The following TMC8 variants were observed in gnomAD, a reference collection of about 807,000 sequenced individuals.
TMC8 encodes the protein transmembrane channel like 8.
A neutral mutation model predicts 76.0 loss-of-function variants in TMC8; 71 were observed. That is an observed-to-expected ratio of 0.93 (90% CI 0.77 to 1.14). TMC8 has a LOEUF of 1.14. Among genes scored for constraint, TMC8 ranks in the 50% most tolerant of loss-of-function variants. The pLI is 0.00. For synonymous variants in TMC8, 433 were observed against 433.8 expected (o/e 1.00, Z 0.02); for missense variants, 924 against 947.9 (o/e 0.97, Z 0.33).
At chr17:78,132,911 GACCCAGGGA>G in intron 5 of TMC8, 41 bp downstream of exon 5, 1 of 1,608,196 alleles carries the variant, frequency 6.2e-7, no homozygotes, top group Non-Finnish European at 8.5e-7. Context: ...GAGTCTGGGA[GACCCAGGGA>G]ACTGGCTTCA....
Position 78,131,423 on chromosome 17 carries a change from C to T in TMC8, c.-166C>T, listed in dbSNP as rs1437245981. ...AGACCCGGGCAAGTGAACCCTAGGG[C>T]TGCAGGAGCCCAGGCCCCGACGCCG... On this transcript the variant is annotated 5_prime_UTR_variant, in exon 2 of 16. Transcript: ENST00000318430. 5 of 932,048 alleles carry T rather than the reference C, an allele frequency of 5.4e-6. No individual in the cohort carries two copies. Among genetic ancestry groups the T allele is most frequent in the East Asian group, 2.6e-5 (1 of 37,942 alleles). The allele number at this position is 932,048 out of a possible 1,614,324, so 57.7% of individuals were successfully genotyped here. A position where few individuals can be genotyped will look rare whatever the true frequency, so the allele number is the denominator to read the frequency against.
In TMC8 at chr17:78,138,452, C is replaced by T. The variant is rs1290549286; in HGVS notation, c.1637C>T (p.Ala546Val). Residue 546 changes from alanine to valine, a missense_variant, in exon 13 of 16, where the codon GCA becomes GTA. Physicochemically the swap from Ala to Val is moderately conservative, Grantham distance 64. Transcript: ENST00000318430. ...LVLLLGLLLAAVPLGYVVSSI... is the reference protein window; with the variant it reads ...LVLLLGLLLAVVPLGYVVSSI... ...CTCCTCCTGGGCCTGCTTCTGGCTG[C>T]AGTGCCCCTGGGCTATGTGGTCAGC... 1.2e-5 allele frequency: 20 copies of T among 1,613,042 alleles called. No individual in the cohort carries two copies. The highest frequency in any genetic ancestry group is 6.7e-5 in the East Asian group (3 of 44,880).
At chr17:78,135,711 C>G (rs2075208451) in intron 9 of TMC8, among the ~76,000 whole-genome samples, 1 of 152,236 alleles carries the variant, frequency 6.6e-6, no homozygotes, top group African/African-American at 2.4e-5. Context: ...CTTGCCCTAA[C>G]TGCTTTTCCC....
chr17:78,133,273 G>A (rs2075089851), intron 5 of TMC8, 133 bp from the exon 6 acceptor site: 1 of 1,437,578 alleles, frequency 7.0e-7, no homozygotes, highest in African/African-American at 1.4e-5. Flanking sequence ...CCGAACCTCT[G>A]TGGGCCCTTG....
chr17:78,134,039 A>G, intron 7 of TMC8, 39 bp downstream of exon 7: 1 of 1,613,282 alleles, frequency 6.2e-7, no homozygotes, highest in South Asian at 1.1e-5. Flanking sequence ...CACAAGCTCC[A>G]GGTATATGGG....
chr17:78,133,542 G>A lies in TMC8; in HGVS notation c.668G>A (p.Arg223Gln), dbSNP rs772173417. 261 of 1,611,382 alleles carry A rather than the reference G, an allele frequency of 1.6e-4. 4 individuals are homozygous for A. The South Asian group carries it at 2.0e-3, about 12-fold the overall frequency. ...LLLCFCGTLRRMVKGLPQKTL... is the reference protein window; with the variant it reads ...LLLCFCGTLRQMVKGLPQKTL... ...CTCTGCTTCTGTGGGACTCTGCGGC[G>A]GTGAGAGCGAGGTCCACACCTTCAC... The change falls in exon 6 of 16, where the codon CGG becomes CAG. Residue 223 changes from arginine (R) to glutamine (Q), a missense_variant and splice_region_variant. Arg to Gln is a conservative substitution (Grantham distance 43). Transcript: ENST00000318430.
chr17:78,135,494 G>C (rs2075201624), intron 9 of TMC8, among the ~76,000 whole-genome samples: 3 of 152,126 alleles, frequency 2.0e-5, no homozygotes, highest in Admixed American at 2.0e-4. Context: ...AAGTTCAAAA[G>C]CAAGCCCTCG....
chr17:78,135,101 C>T (rs2075189021), intron 9 of TMC8, 92 bp downstream of exon 9: 1 of 1,548,064 alleles, frequency 6.5e-7, no homozygotes, highest in Non-Finnish European at 8.8e-7. Context: ...CTGGGGTCCC[C>T]AGCTGAGAGG....
intron 9 of TMC8, among the ~76,000 whole-genome samples, chr17:78,136,087 T>C (rs2075221579): frequency 1.3e-5 from 2 of 152,072 alleles, no homozygotes; most frequent in African/African-American, 4.8e-5. Context: ...AGCTCTCACC[T>C]ACCCCTAGCT....
In TMC8 at chr17:78,142,418, G is replaced by A. The variant is rs1244353466; in HGVS notation, c.*1306G>A. ...CTCCTGGTCTGGACTCAGCATCAGG[G>A]AGGCTCTGGCCTCTCGCCCTCAGGG... On this transcript the variant is annotated 3_prime_UTR_variant, in exon 16 of 16. Transcript: ENST00000318430. 10 of 152,272 alleles carry A rather than the reference G, an allele frequency of 6.6e-5. No homozygotes were observed. The highest frequency in any genetic ancestry group is 2.9e-5 in the Non-Finnish European group (2 of 68,062). 9.4% of individuals were successfully genotyped at this position (152,272 alleles called of 1,614,324 possible).
At chr17:78,134,098 A>C in intron 7 of TMC8, 98 bp downstream of exon 7, 1 of 1,558,574 alleles carries the variant, frequency 6.4e-7, no homozygotes, top group Non-Finnish European at 8.8e-7. Flanking sequence ...AGCAAGTGCG[A>C]CCGTGCCAGT....
chr17:78,137,501 C>T (rs2075265043), intron 10 of TMC8, 143 bp downstream of exon 10: 1 of 1,433,968 alleles, frequency 7.0e-7, no homozygotes, highest in Non-Finnish European at 9.7e-7. Context: ...CCGCACACCT[C>T]CAGGGGGCGC....
chr17:78,131,079 G>C (rs1302437934), intron 1 of TMC8: 1 of 191,306 alleles, frequency 5.2e-6, no homozygotes, highest in Non-Finnish European at 1.1e-5. Flanking sequence ...GGCAGATGCC[G>C]AGTCCCAGGA....
chr17:78,132,513 G>A lies in TMC8; in HGVS notation c.448+5G>A. 5 of 1,608,112 alleles carry A rather than the reference G, an allele frequency of 3.1e-6. No individual in the cohort carries two copies. In the South Asian group the frequency reaches 5.5e-5, roughly 18 times the overall value. On this transcript the variant is annotated splice_donor_5th_base_variant and intron_variant, in intron 4 of 15. Transcript: ENST00000318430. Reference sequence around the variant, plus strand: ...CAGGCCCCACCCTGAACTTGAGTGAGTGTGAGGCCCACCAGGGGAAGTGCT... The same window carrying A: ...CAGGCCCCACCCTGAACTTGAGTGAATGTGAGGCCCACCAGGGGAAGTGCT...
At chr17:78,136,762 T>G in intron 9 of TMC8, 1 of 303,244 alleles carries the variant, frequency 3.3e-6, no homozygotes, top group Admixed American at 4.7e-5. Flanking sequence ...CTCAAACTGA[T>G]CTAAAAACAG....
intron 10 of TMC8, 40 bp downstream of exon 10, chr17:78,137,398 C>A: frequency 6.2e-7 from 1 of 1,613,130 alleles, no homozygotes; most frequent in Non-Finnish European, 8.5e-7. Flanking sequence ...TCCCTTCCTT[C>A]TCCCCAAAAA....
At chr17:78,137,081 T>G in intron 9 of TMC8, 154 bp from the exon 10 acceptor site, 1 of 1,202,570 alleles carries the variant, frequency 8.3e-7, no homozygotes, top group East Asian at 2.6e-5. Flanking sequence ...AGAACGCACT[T>G]TGGACCACAT....
chr17:78,134,312 T>G (rs943547707), intron 7 of TMC8, 82 bp from the exon 8 acceptor site: 5 of 1,498,320 alleles, frequency 3.3e-6, no homozygotes, highest in Non-Finnish European at 3.7e-6. Context: ...TGGTTGTGAC[T>G]GTGTGTGAGA....
intron 9 of TMC8, among the ~76,000 whole-genome samples, chr17:78,135,220 G>A (rs1021369093): frequency 5.3e-5 from 8 of 152,154 alleles, no homozygotes; most frequent in Admixed American, 2.6e-4. Flanking sequence ...AAAGGAAGCC[G>A]CCAGTCTGGA....
Sources: gnomAD v4.1 joint callset for allele counts (sites outside exome capture counted in the v4.1 genomes callset) on GRCh38, gnomAD v4.1.1 for gene constraint, MANE v1.5 for transcripts, NCBI Gene and HGNC (gene_info 2026-07-23, HGNC 2026-07-21) for gene names.